ZNF488: variants seen among roughly 807,000 people sequenced by gnomAD.
ZNF488 encodes zinc finger protein 488.
ZNF488 carries 1 observed loss-of-function variant against 1.2 expected under a neutral mutation model. The observed-to-expected ratio is 0.86, with a 90% confidence interval of 0.30 to 4.07. ZNF488 has a LOEUF of 4.07. Ranked by LOEUF, ZNF488 falls within the 30% of genes most tolerant of loss-of-function variation. The probability of loss-of-function intolerance (pLI) is 0.18; values close to 1 mark genes in which losing one functional copy is unlikely to be tolerated. For missense variants in ZNF488, 450 were observed against 437.9 expected, an observed-to-expected ratio of 1.03 and a Z score of -0.25; for synonymous variants, 185 against 190.1, an observed-to-expected ratio of 0.97 and a Z score of 0.22.
In ZNF488 at chr10:47,365,555, G is replaced by T; in HGVS notation, c.*2252C>A. 6.0e-6 allele frequency: 1 copy of T among 167,232 alleles called. No individual in the cohort carries two copies. The allele number at this position is 167,232 out of a possible 1,614,324, so 10.4% of individuals were successfully genotyped here. The stretch of plus-strand genomic sequence containing the variant: ...TGCCATGCCCTGTTCTGGGCACCAG[G>T]GATGCACAGTAAACAAACCAATCTC... On this transcript the variant is annotated 3_prime_UTR_variant, in exon 2 of 2. Transcript: ENST00000585316.
chr10:47,368,475 C>A lies in ZNF488; in HGVS notation c.355G>T (p.Glu119Ter). ...CCTGTGGGGTCATCGTGCTCCCTCT[C>A]CTGGGCCTGAGCATCCACCTGCCGG... is the stretch of plus-strand genomic sequence containing the variant. ...KDRQVDAQAQ[E>*]REHDDPTGQP... The change falls in exon 2 of 2, where the codon GAG becomes TAG. Residue 119 changes from glutamate (E) to a stop codon, truncating the protein, a stop_gained. Transcript: ENST00000585316. LOFTEE classifies it low-confidence loss of function (END_TRUNC). The A allele has an allele frequency of 6.2e-7, 1 of 1,613,922 alleles. No homozygotes were observed. The highest frequency in any genetic ancestry group is 8.5e-7 in the Non-Finnish European group (1 of 1,180,002).
At chr10:47,375,940 G>A (rs1448632283) in intron 1 of ZNF488, among the ~76,000 whole-genome samples, 2 of 152,230 alleles carry the variant, frequency 1.3e-5, no homozygotes, top group Admixed American at 6.5e-5. Flanking sequence ...GCCAGGCAGT[G>A]ACAAGAGTGG....
At chr10:47,380,866 G>A (rs200466005) in intron 1 of ZNF488, among the ~76,000 whole-genome samples, 2,901 of 145,014 alleles carry the variant, frequency 0.02, no homozygotes, top group African/African-American at 0.028. Flanking sequence ...TCTTCACTGG[G>A]TTGTGGGAAA....
intron 1 of ZNF488, among the ~76,000 whole-genome samples, chr10:47,369,563 C>T (rs1450027171): frequency 6.6e-6 from 1 of 152,198 alleles, no homozygotes; most frequent in Non-Finnish European, 1.5e-5. Context: ...AGACCTGCCT[C>T]CCAGCCTGGT....
At position 47,368,124 on chromosome 10, in the gene ZNF488, C is replaced by T. The variant is rs782229858; in HGVS notation, c.706G>A (p.Ala236Thr). 1 of 1,614,172 alleles carries T rather than the reference C, an allele frequency of 6.2e-7. No individual in the cohort carries two copies. Among genetic ancestry groups the T allele is most frequent in the Non-Finnish European group, 8.5e-7 (1 of 1,180,038 alleles). ...NAPLCSTFLG[A>T]PTLWLEHTQA... ...GTATGCTCCAGCCACAGTGTAGGGG[C>T]ACCCAGAAAAGTGCTACAGAGTGGA... The change falls in exon 2 of 2, where the codon GCC becomes ACC. Residue 236 changes from alanine (A) to threonine (T), a missense_variant. Coordinates refer to ENST00000585316, the MANE Select transcript of ZNF488 (RefSeq NM_153034.4).
At chr10:47,375,257 C>A (rs1479508802) in intron 1 of ZNF488, among the ~76,000 whole-genome samples, 5 of 152,200 alleles carry the variant, frequency 3.3e-5, no homozygotes, top group Non-Finnish European at 7.3e-5. Context: ...ATTAAAAACA[C>A]AGGCAATACA....
chr10:47,379,809 CAG>C (rs1837849156), intron 1 of ZNF488, among the ~76,000 whole-genome samples: 1 of 152,214 alleles, frequency 6.6e-6, no homozygotes, highest in African/African-American at 2.4e-5. Context: ...CAACACCTCT[CAG>C]ACAGCACCTC....
intron 1 of ZNF488, among the ~76,000 whole-genome samples, chr10:47,380,984 G>A (rs1396416895): frequency 6.6e-6 from 1 of 152,288 alleles, no homozygotes; most frequent in Non-Finnish European, 1.5e-5. Flanking sequence ...CCACTCCATG[G>A]CAGCCTTCCC....
At chr10:47,368,973 C>T in intron 1 of ZNF488, 36 bp from the exon 2 acceptor site, 1 of 932,648 alleles carries the variant, frequency 1.1e-6, no homozygotes, top group Non-Finnish European at 1.6e-6. Flanking sequence ...GTGAGATGGG[C>T]ATTCATCACT....
rs35618062 is a variant in ZNF488 at position 47,368,615 on chromosome 10, G to A, written c.215C>T (p.Ala72Val). The A allele has an allele frequency of 0.14, 217,867 of 1,610,166 alleles. 15,247 individuals are homozygous for A. Among genetic ancestry groups the A allele is most frequent in the Non-Finnish European group, 0.15 (172,712 of 1,179,796 alleles). ...TGGGGCTACCAACAGTGCCAGCTCC[G>A]CACTGCCCACATCCCGGCCCGCCCT... ...VGRAGRDVGS[A>V]ELALLVAPGK... The change falls in exon 2 of 2, where the codon GCG becomes GTG. Residue 72 changes from alanine to valine, a missense_variant. Ala to Val is a moderately conservative substitution (Grantham distance 64). Transcript: ENST00000585316.
At position 47,372,701 on chromosome 10, in the gene ZNF488, CA is replaced by C. The variant is rs538871988; in HGVS notation, c.-108-3765del. Among the ~76,000 whole-genome samples, 761 of 152,296 alleles carry C rather than the reference CA, an allele frequency of 5.0e-3. 5 individuals are homozygous for C. Among genetic ancestry groups the C allele is most frequent in the Non-Finnish European group, 7.3e-3 (495 of 68,018 alleles). On this transcript the variant is annotated intron_variant, in intron 1 of 1. Coordinates refer to ENST00000585316, the MANE Select transcript of ZNF488 (RefSeq NM_153034.4). ...CATGAGAAAACTTTGCAAATGAAGT[CA>C]GGGGTCACAGGCAGGGGAAAGTACT...
At position 47,368,685 on chromosome 10, in the gene ZNF488, G is replaced by A. The variant is rs1555213361; in HGVS notation, c.145C>T (p.Leu49=). 3.7e-6 allele frequency: 6 copies of A among 1,612,628 alleles called. No homozygotes were observed. The highest frequency in any genetic ancestry group is 5.1e-6 in the Non-Finnish European group (6 of 1,180,028). Residue 49 remains leucine (L), a synonymous_variant, in exon 2 of 2, where the codon CTG becomes TTG. Coordinates refer to ENST00000585316, the MANE Select transcript of ZNF488 (RefSeq NM_153034.4). ...PELGRGCKPV[L]LEKTNRLGPE... is the part of the protein sequence containing the mutation. ...CCCAGGCGGTTCGTCTTCTCGAGCA[G>A]CACTGGCTTGCAGCCCCGGCCCAGC...
In ZNF488 at chr10:47,377,600, T is replaced by TCACA. The variant is rs66911760; in HGVS notation, c.-109+6616_-109+6619dup. On this transcript the variant is annotated intron_variant, in intron 1 of 1. Coordinates refer to ENST00000585316, the MANE Select transcript of ZNF488 (RefSeq NM_153034.4). Reference sequence around the variant, plus strand: ...CCCAGAGATGCCGGCAATAACAATCTCACACACACACACACACACACACAC... The same window carrying TCACA: ...CCCAGAGATGCCGGCAATAACAATCTCACACACACACACACACACACACACACAC... 2.7e-3 allele frequency among the ~76,000 whole-genome samples: 307 copies of TCACA among 114,760 alleles called. 1 individual carries two copies. The highest frequency in any genetic ancestry group is 3.5e-3 in the Non-Finnish European group (193 of 55,760). The allele number at this position is 114,760 out of a possible 152,430, so 75.3% of individuals were successfully genotyped here. A position where few individuals can be genotyped will look rare whatever the true frequency, so the allele number is the denominator to read the frequency against.
chr10:47,377,613 C>G (rs1034162020), intron 1 of ZNF488, among the ~76,000 whole-genome samples: 1 of 149,196 alleles, frequency 6.7e-6, no homozygotes, highest in South Asian at 2.2e-4. Context: ...CACACACACA[C>G]ACACACACAC....
chr10:47,383,304 A>G (rs1281177454), intron 1 of ZNF488, among the ~76,000 whole-genome samples: 3 of 152,210 alleles, frequency 2.0e-5, no homozygotes, highest in Non-Finnish European at 4.4e-5. Flanking sequence ...ATTGGCAACT[A>G]CATATTTTAG....
chr10:47,373,113 A>T (rs561748369), intron 1 of ZNF488, among the ~76,000 whole-genome samples: 5 of 152,252 alleles, frequency 3.3e-5, no homozygotes, highest in East Asian at 3.9e-4. Flanking sequence ...GAACTCAGCC[A>T]CCCTCACAGA....
At chr10:47,374,883 A>G (rs547923767) in intron 1 of ZNF488, among the ~76,000 whole-genome samples, 25 of 152,192 alleles carry the variant, frequency 1.6e-4, no homozygotes, top group Non-Finnish European at 2.8e-4. Flanking sequence ...ATCTGTGTCA[A>G]AGGCCTGCAC....
chr10:47,368,079 G>C lies in ZNF488; in HGVS notation c.751C>G (p.Pro251Ala), dbSNP rs782792195. 4.3e-6 allele frequency: 7 copies of C among 1,614,056 alleles called. No homozygotes were observed. Among genetic ancestry groups the C allele is most frequent in the Non-Finnish European group, 5.9e-6 (7 of 1,180,030 alleles). ...LEHTQAQVPPPSSSSTTSWAL... is the reference protein window; with the variant it reads ...LEHTQAQVPPASSSSTTSWAL... ...CACGAAGTGGTGGAGGATGATGAGG[G>C]TGGGGGCACCTGGGCCTGGGTATGC... The change falls in exon 2 of 2, where the codon CCC becomes GCC. Residue 251 changes from proline (P) to alanine (A), a missense_variant. Pro to Ala is a conservative substitution (Grantham distance 27). Coordinates refer to ENST00000585316, the MANE Select transcript of ZNF488 (RefSeq NM_153034.4).
At position 47,368,695 on chromosome 10, in the gene ZNF488, G is replaced by A. The variant is rs929317805; in HGVS notation, c.135C>T (p.Cys45=). The change falls in exon 2 of 2, where the codon TGC becomes TGT. Residue 45 remains cysteine, a synonymous_variant. Coordinates refer to ENST00000585316, the MANE Select transcript of ZNF488 (RefSeq NM_153034.4). ...TCGTCTTCTCGAGCAGCACTGGCTT[G>A]CAGCCCCGGCCCAGCTCAGGTTCGC... is the stretch of plus-strand genomic sequence containing the variant. The part of the protein sequence containing the change: ...RLSEPELGRG[C]KPVLLEKTNR... 1.9e-6 allele frequency: 3 copies of A among 1,612,736 alleles called. No individual in the cohort carries two copies. The highest frequency in any genetic ancestry group is 1.7e-6 in the Non-Finnish European group (2 of 1,180,036).
Sources: allele counts gnomAD v4.1 joint callset (sites outside exome capture counted in the v4.1 genomes callset), GRCh38; gene constraint gnomAD v4.1.1; transcripts MANE v1.5; gene names NCBI Gene and HGNC (gene_info 2026-07-23, HGNC 2026-07-21).